WHAMM: variants seen among roughly 807,000 people sequenced by gnomAD.
The protein encoded by WHAMM is WASP homolog-associated protein with actin, membranes and microtubules.
In WHAMM, 67 loss-of-function variants were observed where a neutral mutation model predicts 76.5. That is an observed-to-expected ratio of 0.88 (90% confidence interval 0.72 to 1.07). The LOEUF is 1.07. Among genes scored for constraint, WHAMM ranks in the 50% least tolerant of loss-of-function variants. The pLI is 0.00. For synonymous variants in WHAMM, 419 were observed against 422.1 expected (o/e 0.99, Z 0.09); for missense variants, 1,021 against 1,051.1 (o/e 0.97, Z 0.40).
At chr15:82,829,783 T>C (rs2050996922) in intron 8 of WHAMM, among the ~76,000 whole-genome samples, 1 of 152,132 alleles carries the variant, frequency 6.6e-6, no homozygotes, top group African/African-American at 2.4e-5. Flanking sequence ...CTTAGGTTTT[T>C]GAGATATATT....
rs2050864831 is a variant in WHAMM at position 82,823,169 on chromosome 15, T to C, written c.1340T>C (p.Val447Ala). Residue 447 changes from valine to alanine, a missense_variant, in exon 6 of 10, where the codon GTG becomes GCG. Physicochemically the swap from Val to Ala is moderately conservative, Grantham distance 64. Transcript: ENST00000286760. ...NPEELKVIDC[V>A]VGLQDDKNLE... ...GAGGAACTTAAAGTCATTGACTGTG[T>C]GGTGGGGCTGCAGGATGATAAGAAT... The C allele has an allele frequency of 6.4e-7, 1 of 1,571,222 alleles. No homozygotes were observed. Among genetic ancestry groups the C allele is most frequent in the Admixed American group, 1.8e-5 (1 of 56,576 alleles).
intron 1 of WHAMM, among the ~76,000 whole-genome samples, chr15:82,812,193 A>G (rs1354890016): frequency 6.6e-6 from 1 of 152,218 alleles, no homozygotes; most frequent in Admixed American, 6.5e-5. Context: ...ATGCTGAAGT[A>G]CTTGGAGACA....
intron 6 of WHAMM, among the ~76,000 whole-genome samples, chr15:82,825,115 AC>A (rs1168907734): frequency 1.3e-5 from 2 of 152,096 alleles, no homozygotes; most frequent in Non-Finnish European, 2.9e-5. Context: ...ATAGAACAAG[AC>A]CCTGTCTCTA....
At chr15:82,831,354 A>G (rs1292921368) in intron 9 of WHAMM, among the ~76,000 whole-genome samples, 2 of 152,198 alleles carry the variant, frequency 1.3e-5, no homozygotes, top group Admixed American at 1.3e-4. Context: ...GAGGTTGTTA[A>G]AGTATCAACC....
chr15:82,810,193 C>T lies in WHAMM; in HGVS notation c.467C>T (p.Ala156Val). ...CGQLERYLGA[A>V]ADGCGGATVR... ...CAGCTGGAACGCTATCTGGGCGCGGCGGCCGACGGCTGCGGCGGCGCCACA... is the reference window on the plus strand; with the variant it reads ...CAGCTGGAACGCTATCTGGGCGCGGTGGCCGACGGCTGCGGCGGCGCCACA... The change falls in exon 1 of 10, where the codon GCG becomes GTG. Residue 156 changes from alanine (A) to valine (V), a missense_variant. Coordinates refer to ENST00000286760, the MANE Select transcript of WHAMM (RefSeq NM_001080435.3). The T allele has an allele frequency of 7.1e-7, 1 of 1,404,692 alleles. No homozygotes were observed. The highest frequency in any genetic ancestry group is 1.4e-5 in the South Asian group (1 of 71,520). 87.0% of individuals were successfully genotyped at this position (1,404,692 alleles called of 1,614,324 possible). A position where few individuals can be genotyped will look rare whatever the true frequency, so the allele number is the denominator to read the frequency against.
In WHAMM at chr15:82,816,080, C is replaced by G. The variant is rs949447475; in HGVS notation, c.784-612C>G. Among the ~76,000 whole-genome samples the G allele has an allele frequency of 5.5e-4, 83 of 152,052 alleles. 3 individuals carry two copies. The highest frequency in any genetic ancestry group is 1.5e-5 in the Non-Finnish European group (1 of 68,028). On this transcript the variant is annotated intron_variant, in intron 2 of 9. Transcript: ENST00000286760. ...GGTGAAGAGCAGAGAAAGAGAGATC[C>G]TGTGTCTCCTCTTCTTTTTATAAGG...
intron 2 of WHAMM, among the ~76,000 whole-genome samples, chr15:82,815,909 C>T (rs1342568081): frequency 1.3e-5 from 2 of 152,128 alleles, no homozygotes; most frequent in Non-Finnish European, 2.9e-5. Flanking sequence ...AACAAAGTAC[C>T]GTAGATTAGT....
intron 5 of WHAMM, among the ~76,000 whole-genome samples, chr15:82,822,109 GT>G (rs1235444157): frequency 6.6e-6 from 1 of 152,126 alleles, no homozygotes; most frequent in Non-Finnish European, 1.5e-5. Flanking sequence ...CAATTTCACT[GT>G]TTTATGTACT....
Position 82,816,739 on chromosome 15 carries a change from G to C in WHAMM, c.831G>C (p.Leu277=), listed in dbSNP as rs779914872. 6 of 1,558,130 alleles carry C rather than the reference G, an allele frequency of 3.9e-6. No individual in the cohort carries two copies. In the East Asian group the frequency reaches 1.4e-4, roughly 37 times the overall value. The part of the protein sequence containing the change: ...DDLGPRRVVA[L]EKEAEEWTRR... ...TAGGTCCTAGAAGGGTAGTTGCCCT[G>C]GAGAAAGAAGCTGAAGAATGGACCA... The change falls in exon 3 of 10, where the codon CTG becomes CTC. Residue 277 remains leucine, a synonymous_variant. Transcript: ENST00000286760.
intron 4 of WHAMM, among the ~76,000 whole-genome samples, chr15:82,818,573 A>G (rs1003569291): frequency 2.1e-4 from 32 of 152,238 alleles, no homozygotes; most frequent in African/African-American, 7.5e-4. Flanking sequence ...ACTGTACTTG[A>G]AAATCAACCC....
chr15:82,823,685 C>G (rs2050878080), intron 6 of WHAMM, among the ~76,000 whole-genome samples: 2 of 152,132 alleles, frequency 1.3e-5, no homozygotes, highest in Non-Finnish European at 2.9e-5. Flanking sequence ...CATGCCTTAG[C>G]CTGCCAAGTA....
intron 8 of WHAMM, 96 bp from the exon 9 acceptor site, chr15:82,830,503 C>T: frequency 6.6e-7 from 1 of 1,507,596 alleles, no homozygotes; most frequent in Non-Finnish European, 8.9e-7. Context: ...ACCATCCATG[C>T]ATAGAAACGG....
rs749179136 is a variant in WHAMM at position 82,826,510 on chromosome 15, G to T, written c.1545+14G>T. On this transcript the variant is annotated intron_variant, in intron 7 of 9. Transcript: ENST00000286760. The stretch of plus-strand genomic sequence containing the variant: ...AGTATTCAGATGGTGAGTCTCCTCC[G>T]AAGGAAAATGTTCTATGTTTGTGTA... 2 of 1,610,450 alleles carry T rather than the reference G, an allele frequency of 1.2e-6. No individual in the cohort carries two copies. The highest frequency in any genetic ancestry group is 1.7e-6 in the Non-Finnish European group (2 of 1,176,870).
At chr15:82,821,060 C>T (rs1189271784) in intron 5 of WHAMM, among the ~76,000 whole-genome samples, 1 of 152,074 alleles carries the variant, frequency 6.6e-6, no homozygotes, top group Non-Finnish European at 1.5e-5. Flanking sequence ...GAATATTGAA[C>T]AAAATTTTGT....
intron 8 of WHAMM, among the ~76,000 whole-genome samples, chr15:82,828,506 G>T (rs1196533594): frequency 6.6e-6 from 1 of 152,192 alleles, no homozygotes; most frequent in Non-Finnish European, 1.5e-5. Context: ...GGAACTGGCT[G>T]GTCACCATCA....
chr15:82,830,293 C>T lies in WHAMM; in HGVS notation c.1642-306C>T, dbSNP rs767167486. Among the ~76,000 whole-genome samples the T allele has an allele frequency of 1.0e-4, 15 of 149,264 alleles. No individual in the cohort carries two copies. The East Asian group carries it at 1.6e-3, about 16-fold the overall frequency. On this transcript the variant is annotated intron_variant, in intron 8 of 9. Coordinates refer to ENST00000286760, the MANE Select transcript of WHAMM (RefSeq NM_001080435.3). The stretch of plus-strand genomic sequence containing the variant: ...TTTTTTCAACAAATATCTTATTATT[C>T]GTATTTTAGCATTTCTAATTTTCCA...
At chr15:82,820,551 T>G (rs2050802419) in intron 5 of WHAMM, among the ~76,000 whole-genome samples, 1 of 152,164 alleles carries the variant, frequency 6.6e-6, no homozygotes, top group Non-Finnish European at 1.5e-5. Context: ...TTTTCTGATT[T>G]CTAAATTTCA....
At chr15:82,813,647 ATTTTTTTT>A (rs10563149) in intron 2 of WHAMM, among the ~76,000 whole-genome samples, 8 of 60,108 alleles carry the variant, frequency 1.3e-4, no homozygotes, top group East Asian at 6.6e-4. Flanking sequence ...CTGGTGATGA[ATTTTTTTT>A]TTTTTTTTTT....
rs1187147656 is a variant in WHAMM at position 82,835,553 on chromosome 15, C to T, written c.*2017C>T. 2 of 151,970 alleles carry T rather than the reference C, an allele frequency of 1.3e-5. No homozygotes were observed. The highest frequency in any genetic ancestry group is 4.8e-5 in the African/African-American group (2 of 41,432). The allele number at this position is 151,970 out of a possible 1,614,324, so 9.4% of individuals were successfully genotyped here. A position where few individuals can be genotyped will look rare whatever the true frequency, so the allele number is the denominator to read the frequency against. On this transcript the variant is annotated 3_prime_UTR_variant, in exon 10 of 10. Transcript: ENST00000286760. ...CTGTGGCATGGCCACTGCCAGGTTT[C>T]CCAGCCACTGCCAGGTTGCCCACGG...
Sources: gnomAD v4.1 joint callset for allele counts (sites outside exome capture counted in the v4.1 genomes callset) on GRCh38, gnomAD v4.1.1 for gene constraint, MANE v1.5 for transcripts, NCBI Gene and HGNC (gene_info 2026-07-23, HGNC 2026-07-21) for gene names.